SLC5A10: variants seen among roughly 807,000 people sequenced by gnomAD.
SLC5A10 encodes solute carrier family 5 member 10.
Under a neutral mutation model 68.9 loss-of-function variants are expected in SLC5A10, and 55 were observed. The observed-to-expected ratio is 0.80, with a 90% CI of 0.64 to 1.00. The LOEUF is 1.00. SLC5A10 is among the 50% of genes least tolerant of loss of function. The pLI, the probability that SLC5A10 is intolerant of heterozygous loss-of-function variation, is 0.00. For synonymous variants in SLC5A10, 344 were observed against 344.8 expected (o/e 1.00, Z 0.02); for missense variants, 732 against 819.3 (o/e 0.89, Z 1.30).
In SLC5A10 at chr17:18,967,657, T is replaced by C. The variant is rs528358743; in HGVS notation, c.454-1395T>C. Among the ~76,000 whole-genome samples the C allele has an allele frequency of 3.9e-5, 6 of 152,334 alleles. No individual in the cohort carries two copies. The East Asian group carries it at 1.2e-3, about 29-fold the overall frequency. ...ACAGAAGCTTGCAGGCTGCCTGTGG[T>C]GGGCCTTCTAGAAGCCTCCTGCTCC... is the stretch of plus-strand genomic sequence containing the variant. On this transcript the variant is annotated intron_variant, in intron 5 of 14. Coordinates refer to ENST00000395645, the MANE Select transcript of SLC5A10 (RefSeq NM_001042450.4).
intron 9 of SLC5A10, among the ~76,000 whole-genome samples, chr17:18,998,686 G>A (rs1042963448): frequency 7.9e-5 from 12 of 152,200 alleles, no homozygotes; most frequent in African/African-American, 2.9e-4. Flanking sequence ...CTTAATTAAG[G>A]GAAGGGAGCC....
At position 19,021,789 on chromosome 17, in the gene SLC5A10, TG is replaced by T; in HGVS notation, c.*1361del. 1.7e-6 allele frequency: 1 copy of T among 573,318 alleles called. No individual in the cohort carries two copies. Among genetic ancestry groups the T allele is most frequent in the Non-Finnish European group, 2.6e-6 (1 of 378,670 alleles). The allele number at this position is 573,318 out of a possible 1,614,324, so 35.5% of individuals were successfully genotyped here. On this transcript the variant is annotated 3_prime_UTR_variant, in exon 15 of 15. Coordinates refer to ENST00000395645, the MANE Select transcript of SLC5A10 (RefSeq NM_001042450.4). This position sits in a 1 kb window ranked among gnomAD's most constrained non-coding sequence, Gnocchi z 4.1. ...TGCTGGGTACCCTTGCTGGGGGACC[TG>T]GGCCATCCCAGTTTGTGCAGAGCGG...
chr17:18,973,021 C>T (rs543250678), intron 8 of SLC5A10, among the ~76,000 whole-genome samples: 5 of 152,368 alleles, frequency 3.3e-5, no homozygotes, highest in African/African-American at 1.2e-4. Flanking sequence ...ATCCGCCATG[C>T]CTCATGGGAG....
At position 18,956,470 on chromosome 17, in the gene SLC5A10, T is replaced by G. The variant is rs1443245731; in HGVS notation, c.112-2212T>G. Among the ~76,000 whole-genome samples, 83 of 143,664 alleles carry G rather than the reference T, an allele frequency of 5.8e-4. 1 individual carries two copies. Among genetic ancestry groups the G allele is most frequent in the Non-Finnish European group, 1.2e-3 (77 of 65,506 alleles). The allele number at this position is 143,664 out of a possible 152,430, so 94.2% of individuals were successfully genotyped here. ...GTTTTTTCTTTTTTCTTTCTGTTTT[T>G]TTTTTTTTTTTTTTTTTCTGTTTTG... On this transcript the variant is annotated intron_variant, in intron 1 of 14. Transcript: ENST00000395645.
intron 9 of SLC5A10, among the ~76,000 whole-genome samples, chr17:18,998,108 C>T (rs2043614099): frequency 6.6e-6 from 1 of 152,230 alleles, no homozygotes; most frequent in Admixed American, 6.5e-5. Context: ...GGTACTCGAG[C>T]CCAGGGGTCA....
In SLC5A10 at chr17:18,974,493, G is replaced by C. The variant is rs73981262; in HGVS notation, c.847-2361G>C. On this transcript the variant is annotated intron_variant, in intron 8 of 14. Transcript: ENST00000395645. ...TGTCTGTGAAACAGGGCAGTGCACA[G>C]ACCAGAAGGCCTCCCAGGGTCCTGC... Among the ~76,000 whole-genome samples the C allele has an allele frequency of 8.4e-3, 1,278 of 152,370 alleles. 13 individuals are homozygous for C. Among genetic ancestry groups the C allele is most frequent in the African/African-American group, 0.029 (1,226 of 41,596 alleles).
chr17:18,983,750 GT>G lies in SLC5A10; in HGVS notation c.982+6763del, dbSNP rs758147409. Among the ~76,000 whole-genome samples, 90 of 152,320 alleles carry G rather than the reference GT, an allele frequency of 5.9e-4. 1 individual carries two copies. The highest frequency in any genetic ancestry group is 3.4e-3 in the Middle Eastern group (1 of 294). ...CACTCACCCTGGACTTCTCCAGGCT[GT>G]TGTGAAGTTGGGGTGGTGGGCCCTT... On this transcript the variant is annotated intron_variant, in intron 9 of 14. Transcript: ENST00000395645.
chr17:18,953,024 C>T (rs772408796), intron 1 of SLC5A10, among the ~76,000 whole-genome samples: 56 of 152,046 alleles, frequency 3.7e-4, no homozygotes, highest in Non-Finnish European at 6.6e-4. Context: ...ACCTGCTCCA[C>T]GCTTAGCGCC....
Position 19,003,372 on chromosome 17 carries a change from A to G in SLC5A10, c.983-10038A>G. 1.2e-6 allele frequency: 1 copy of G among 836,336 alleles called. No homozygotes were observed. Among genetic ancestry groups the G allele is most frequent in the African/African-American group, 1.8e-5 (1 of 55,870 alleles). The allele number at this position is 836,336 out of a possible 1,614,324, so 51.8% of individuals were successfully genotyped here. A position where few individuals can be genotyped will look rare whatever the true frequency, so the allele number is the denominator to read the frequency against. On this transcript the variant is annotated intron_variant, in intron 9 of 14. Transcript: ENST00000395645. This position sits in a 1 kb window ranked among gnomAD's most constrained non-coding sequence, Gnocchi z 4.5. ...GGATCCCCACGAAGGTGGGGAGGAAACCTCCACCCAAGAGGCAGCCAGGGA... is the reference window on the plus strand; with the variant it reads ...GGATCCCCACGAAGGTGGGGAGGAAGCCTCCACCCAAGAGGCAGCCAGGGA...
chr17:18,959,291 G>A, intron 3 of SLC5A10, 52 bp downstream of exon 3: 1 of 1,571,474 alleles, frequency 6.4e-7, no homozygotes, highest in African/African-American at 1.3e-5. Context: ...ACAGGATGTG[G>A]TCGCAGCACT....
chr17:18,975,715 G>A (rs556131058), intron 8 of SLC5A10: 1 of 151,900 alleles, frequency 6.6e-6, no homozygotes, highest in Admixed American at 6.6e-5. Context: ...AAAAATCATA[G>A]AGGCTTCCTG....
rs1290771072 is a variant in SLC5A10, at chr17:19,018,518, A to C, written c.1242-905A>C. The C allele has an allele frequency of 6.6e-6, 1 of 152,246 alleles. No homozygotes were observed. Among genetic ancestry groups the C allele is most frequent in the South Asian group, 2.1e-4 (1 of 4,820 alleles). The allele number at this position is 152,246 out of a possible 1,614,324, so 9.4% of individuals were successfully genotyped here. On this transcript the variant is annotated intron_variant, in intron 11 of 14. Coordinates refer to ENST00000395645, the MANE Select transcript of SLC5A10 (RefSeq NM_001042450.4). The surrounding 1 kb of genome is among the most constrained non-coding windows in gnomAD (Gnocchi z 4.2). Reference sequence around the variant, plus strand: ...GAGTGCTGGGCAGGCACCAGGTCCCACTCATCGCCGAGTTGGGGATCCTAG... The same window carrying C: ...GAGTGCTGGGCAGGCACCAGGTCCCCCTCATCGCCGAGTTGGGGATCCTAG...
At chr17:18,954,217 G>C (rs576871618) in intron 1 of SLC5A10, 2 of 152,512 alleles carry the variant, frequency 1.3e-5, no homozygotes, top group African/African-American at 4.8e-5. Context: ...ACAGACAGTG[G>C]AGGGTTTCTG....
chr17:19,016,994 C>T (rs912202090), intron 11 of SLC5A10, among the ~76,000 whole-genome samples: 1 of 152,196 alleles, frequency 6.6e-6, no homozygotes, highest in African/African-American at 2.4e-5. Context: ...CTCACCCAGA[C>T]TCCCACCTGC....
Position 18,977,362 on chromosome 17 carries a change from T to C in SLC5A10, c.982+373T>C, listed in dbSNP as rs574196673. ...AACGTGCATTTTCTTAGGTTGCCTT[T>C]TCAGGATGCTGGGACCAAGAGTCCC... On this transcript the variant is annotated intron_variant, in intron 9 of 14. Transcript: ENST00000395645. The C allele has an allele frequency of 1.9e-4, 115 of 593,290 alleles. 1 individual carries two copies. The highest frequency in any genetic ancestry group is 3.2e-4 in the Non-Finnish European group (109 of 344,416). 36.8% of individuals were successfully genotyped at this position (593,290 alleles called of 1,614,324 possible).
intron 9 of SLC5A10, among the ~76,000 whole-genome samples, chr17:18,981,513 A>T (rs2043131982): frequency 6.6e-6 from 1 of 152,046 alleles, no homozygotes; most frequent in Non-Finnish European, 1.5e-5. Context: ...GTGTGAGGTG[A>T]ATGCTATGGG....
rs537553329 is a variant in SLC5A10, at chr17:18,979,470, A to G, written c.982+2481A>G. The G allele has an allele frequency of 8.4e-6, 13 of 1,542,634 alleles. No homozygotes were observed. The South Asian group carries it at 1.1e-4, about 13-fold the overall frequency. ...TTGGGACCAATGAACCGGAATAACC[A>G]GGGTTAGGATTAAGGGCAGAAGCCA... On this transcript the variant is annotated intron_variant, in intron 9 of 14. Transcript: ENST00000395645.
chr17:18,969,249 G>A (rs2042778083), intron 6 of SLC5A10, 92 bp downstream of exon 6: 4 of 1,578,756 alleles, frequency 2.5e-6, no homozygotes, highest in Non-Finnish European at 1.7e-6. Context: ...AGCAGCCCAG[G>A]AAGTGGCCCC....
In SLC5A10 at chr17:18,971,260, C is replaced by A; in HGVS notation, c.846+42C>A. 6.2e-7 allele frequency: 1 copy of A among 1,612,100 alleles called. No individual in the cohort carries two copies. The highest frequency in any genetic ancestry group is 8.5e-7 in the Non-Finnish European group (1 of 1,178,682). On this transcript the variant is annotated intron_variant, in intron 8 of 14. Transcript: ENST00000395645. The surrounding 1 kb of genome is among the most constrained non-coding windows in gnomAD (Gnocchi z 5.5). The stretch of plus-strand genomic sequence containing the variant: ...CCCGCCCATCCCACCTTCCTGCCGT[C>A]CCAGTGGGCTCTGGTAGGCCCAGGC...
Sources: gnomAD v4.1 joint callset for allele counts (sites outside exome capture counted in the v4.1 genomes callset) on GRCh38, gnomAD v4.1.1 for gene constraint, Gnocchi (gnomAD v3.1) non-coding constraint, MANE v1.5 for transcripts, NCBI Gene and HGNC (gene_info 2026-07-23, HGNC 2026-07-21) for gene names.